Variants in VWF observed in about 807,000 individuals in gnomAD.
VWF encodes von Willebrand factor.
In VWF, 176 loss-of-function variants were observed where a neutral mutation model predicts 308.6. The ratio of observed to expected loss-of-function variants is 0.57; its 90% confidence interval spans 0.50 to 0.65. The LOEUF (loss-of-function observed/expected upper bound fraction) is 0.65, where lower values mean the gene tolerates loss of function less well. VWF is among the 30% of genes least tolerant of loss of function. VWF has a pLI of 0.00. For synonymous variants in VWF, 1,385 were observed against 1,443.4 expected, an observed-to-expected ratio of 0.96 and a Z score of 0.92; for missense variants, 3,146 against 3,648.2, an observed-to-expected ratio of 0.86 and a Z score of 3.55.
intron 6 of VWF, among the ~76,000 whole-genome samples, chr12:6,094,258 C>T (rs868432325): frequency 6.6e-6 from 1 of 152,200 alleles, no homozygotes; most frequent in African/African-American, 2.4e-5. Context: ...TTTGTTACAG[C>T]AGCTTCAGGA....
chr12:5,963,943 C>T (rs940654156), intron 47 of VWF, among the ~76,000 whole-genome samples: 1 of 152,210 alleles, frequency 6.6e-6, no homozygotes, highest in Non-Finnish European at 1.5e-5. Context: ...CGCAGTGGCT[C>T]ACGCCTGTAA....
intron 47 of VWF, among the ~76,000 whole-genome samples, chr12:5,961,152 G>A (rs1235100363): frequency 6.6e-6 from 1 of 152,156 alleles, no homozygotes; most frequent in Non-Finnish European, 1.5e-5. Flanking sequence ...CTAGCTGCAG[G>A]AAAACAAGCT....
intron 31 of VWF, among the ~76,000 whole-genome samples, chr12:6,014,761 T>C (rs1360764852): frequency 6.6e-6 from 1 of 152,178 alleles, no homozygotes; most frequent in Non-Finnish European, 1.5e-5. Context: ...CCCATGACAC[T>C]GAACTAGACC....
intron 20 of VWF, among the ~76,000 whole-genome samples, chr12:6,032,421 C>A (rs1412781458): frequency 6.6e-6 from 1 of 151,626 alleles, no homozygotes; most frequent in South Asian, 2.1e-4. Flanking sequence ...GGGCGGATCA[C>A]GAGGTCAGGA....
chr12:5,953,969 T>A (rs779382832), intron 47 of VWF: 15 of 244,070 alleles, frequency 6.1e-5, no homozygotes, highest in Non-Finnish European at 1.2e-4. Context: ...CCTATTTTGG[T>A]AAGTGGCGTT....
In VWF at chr12:5,949,863, C is replaced by T. The variant is rs774426276; in HGVS notation, c.8176G>A (p.Asp2726Asn). The change falls in exon 51 of 52, where the codon GAC becomes AAC. Residue 2726 changes from aspartate (D) to asparagine (N), a missense_variant. Coordinates refer to ENST00000261405, the MANE Select transcript of VWF (RefSeq NM_000552.5). The stretch of plus-strand genomic sequence containing the variant: ...ACATACTGCAGCCTGGCAGTGATGT[C>T]GTTGCACTCAGGCTCCTCACCTACA... ...CDTCEEPECN[D>N]ITARLQYVKV... 12 of 1,613,790 alleles carry T rather than the reference C, an allele frequency of 7.4e-6. 1 individual carries two copies. In the South Asian group the frequency reaches 7.7e-5, roughly 10 times the overall value.
intron 43 of VWF, among the ~76,000 whole-genome samples, chr12:5,973,147 C>T (rs1336387986): frequency 6.6e-6 from 1 of 152,160 alleles, no homozygotes; most frequent in African/African-American, 2.4e-5. Context: ...CCCTCCATAC[C>T]CCACAGCAAC....
rs143145764 is a variant in VWF, at chr12:6,044,428, G to T, written c.2305C>A (p.Pro769Thr). The change falls in exon 18 of 52, where the codon CCC becomes ACC. Residue 769 changes from proline to threonine, a missense_variant. Around this residue, in one of 3 missense-constraint regions of VWF, gnomAD observed 1,304 missense variants for 1,353.0 expected, o/e 0.96. Coordinates refer to ENST00000261405, the MANE Select transcript of VWF (RefSeq NM_000552.5). ...GGACACACCAGCTTGACCATGGGGG[G>T]CCGACAGGATAGGCTCCTTTTGCCT... ...HRSKRSLSCR[P>T]PMVKLVCPAD... The T allele has an allele frequency of 6.2e-7, 1 of 1,614,214 alleles. No individual in the cohort carries two copies. The highest frequency in any genetic ancestry group is 2.2e-5 in the East Asian group (1 of 44,880).
At chr12:5,955,472 G>GT (rs1396082162) in intron 47 of VWF, among the ~76,000 whole-genome samples, 2 of 151,934 alleles carry the variant, frequency 1.3e-5, no homozygotes, top group South Asian at 2.1e-4. Flanking sequence ...GCGGTGTTTG[G>GT]TTTTTTGTCC....
intron 34 of VWF, among the ~76,000 whole-genome samples, chr12:5,999,513 A>G (rs1166912066): frequency 6.7e-6 from 1 of 148,944 alleles, no homozygotes; most frequent in Non-Finnish European, 1.5e-5. Flanking sequence ...CCACTAAGGA[A>G]ATGACTTTTC....
rs1944950545 is a variant in VWF at position 6,084,822 on chromosome 12, G to T, written c.658-9271C>A. Among the ~76,000 whole-genome samples, 2 of 151,926 alleles carry T rather than the reference G, an allele frequency of 1.3e-5. 1 individual carries two copies. Among genetic ancestry groups the T allele is most frequent in the South Asian group, 4.1e-4 (2 of 4,820 alleles). On this transcript the variant is annotated intron_variant, in intron 6 of 51. Coordinates refer to ENST00000261405, the MANE Select transcript of VWF (RefSeq NM_000552.5). The stretch of plus-strand genomic sequence containing the variant: ...AGCTGCTCCAAAGTAGTGGGTTCAA[G>T]AATTCACCCTGCAGCAGGGAATACT...
chr12:6,079,015 T>C (rs1944875265), intron 6 of VWF, among the ~76,000 whole-genome samples: 1 of 152,220 alleles, frequency 6.6e-6, no homozygotes, highest in Non-Finnish European at 1.5e-5. Flanking sequence ...AACAATTCCT[T>C]TGGCCTCCAC....
At chr12:6,076,185 G>A (rs189696849) in intron 6 of VWF, among the ~76,000 whole-genome samples, 15 of 152,294 alleles carry the variant, frequency 9.8e-5, no homozygotes, top group Admixed American at 3.9e-4. Context: ...CAGCAAGCAC[G>A]AGTATTCTTG....
intron 16 of VWF, among the ~76,000 whole-genome samples, chr12:6,051,174 G>A (rs975897520): frequency 1.1e-4 from 16 of 152,128 alleles, no homozygotes; most frequent in Admixed American, 2.0e-4. Context: ...AATAAGAATG[G>A]TAAAGTGCTG....
intron 6 of VWF, among the ~76,000 whole-genome samples, chr12:6,077,827 CAG>C (rs1565855108): frequency 6.6e-6 from 1 of 152,098 alleles, no homozygotes; most frequent in South Asian, 2.1e-4. Context: ...GGGAGACTGA[CAG>C]AGGTGGGCAG....
chr12:6,087,354 C>CTTT (rs948166436), intron 6 of VWF, among the ~76,000 whole-genome samples: 51 of 118,756 alleles, frequency 4.3e-4, no homozygotes, highest in East Asian at 2.3e-3. Flanking sequence ...AGACTTAACT[C>CTTT]TTTTTTTTTT....
At chr12:6,056,756 CCT>C in intron 15 of VWF, 99 bp downstream of exon 15, 1 of 1,070,962 alleles carries the variant, frequency 9.3e-7, no homozygotes, top group East Asian at 3.3e-5. Flanking sequence ...TGCCCTACGC[CCT>C]CTTTCCACAG....
chr12:5,988,949 C>T (rs1345751294), intron 38 of VWF, among the ~76,000 whole-genome samples: 1 of 152,180 alleles, frequency 6.6e-6, no homozygotes, highest in Admixed American at 6.5e-5. Flanking sequence ...GGCCCAAGGT[C>T]AAAGAAGGAC....
At chr12:5,982,128 G>A (rs1943613351) in intron 41 of VWF, 137 bp from the exon 42 acceptor site, 3 of 768,112 alleles carry the variant, frequency 3.9e-6, no homozygotes, top group Middle Eastern at 3.7e-4. Flanking sequence ...CTCACGGGCT[G>A]GGAGTTATTC....
Sources: allele counts gnomAD v4.1 joint callset (sites outside exome capture counted in the v4.1 genomes callset), GRCh38; gene constraint gnomAD v4.1.1; regional missense constraint gnomAD v4.1.1; transcripts MANE v1.5; gene names NCBI Gene and HGNC (gene_info 2026-07-23, HGNC 2026-07-21).